CDH3: variants seen among roughly 807,000 people sequenced by gnomAD.
CDH3 encodes the protein cadherin 3.
Under a neutral mutation model 82.0 loss-of-function variants are expected in CDH3, and 54 were observed. The ratio of observed to expected loss-of-function variants is 0.66; its 90% CI spans 0.53 to 0.83. CDH3 has a LOEUF of 0.83. CDH3 is among the 40% of genes least tolerant of loss of function. The pLI is 0.00. For synonymous variants in CDH3, 446 were observed against 437.9 expected, an observed-to-expected ratio of 1.02 and a Z score of -0.23; for missense variants, 1,054 against 1,084.6, an observed-to-expected ratio of 0.97 and a Z score of 0.40.
intron 2 of CDH3, among the ~76,000 whole-genome samples, chr16:68,671,932 TCG>T (rs1960893260): frequency 6.6e-6 from 1 of 152,166 alleles, no homozygotes; most frequent in African/African-American, 2.4e-5. Context: ...GGGACACAAC[TCG>T]TGTTAAGGGA....
chr16:68,705,675 G>T (rs919639357), intron 1 of CDH3, among the ~76,000 whole-genome samples: 3 of 151,566 alleles, frequency 2.0e-5, no homozygotes, highest in Non-Finnish European at 4.4e-5. Context: ...ACCTGCCTCG[G>T]CCTCCCAAAC....
intron 5 of CDH3, 23 bp downstream of exon 5, chr16:68,678,679 T>C (rs1211473070): frequency 1.9e-6 from 3 of 1,614,200 alleles, no homozygotes; most frequent in Admixed American, 3.3e-5. Context: ...TAGTGTCTAC[T>C]GTAAATGTCC....
intron 2 of CDH3, among the ~76,000 whole-genome samples, chr16:68,653,388 C>T (rs1431734046): frequency 2.6e-5 from 4 of 151,988 alleles, no homozygotes; most frequent in African/African-American, 9.7e-5. Context: ...CAGGCATGCG[C>T]CACCAAGTCC....
At position 68,663,568 on chromosome 16, in the gene CDH3, T is replaced by G. The variant is rs139223673; in HGVS notation, c.161-12817T>G. On this transcript the variant is annotated intron_variant, in intron 2 of 15. Transcript: ENST00000264012. ...CTTATTTCATTTTTTTCAAATGTAC[T>G]ATGCTGTTGCATTTTTAAGAGATTC... is the stretch of plus-strand genomic sequence containing the variant. Among the ~76,000 whole-genome samples the G allele has an allele frequency of 5.3e-5, 8 of 152,244 alleles. No individual in the cohort carries two copies. In the East Asian group the frequency reaches 1.5e-3, roughly 29 times the overall value.
At chr16:68,702,399 G>A (rs971347385), downstream of CDH3, among the ~76,000 whole-genome samples, 4 of 152,064 alleles carry the variant, frequency 2.6e-5, no homozygotes, top group Admixed American at 2.0e-4. Context: ...CGGTGGGGTC[G>A]GGGGCAGGAG....
chr16:68,687,435 G>C (rs998688185), intron 11 of CDH3, 77 bp from the exon 12 acceptor site: 3 of 1,093,724 alleles, frequency 2.7e-6, no homozygotes, highest in Non-Finnish European at 4.2e-6. Context: ...TGAGAGCTGG[G>C]CGGTAAACAG....
chr16:68,683,651 CAA>C (rs1199101103), intron 9 of CDH3, among the ~76,000 whole-genome samples: 3 of 69,860 alleles, frequency 4.3e-5, no homozygotes, highest in East Asian at 5.0e-4. Flanking sequence ...GACTCTGTCT[CAA>C]AAAAAAAAAA....
chr16:68,716,278 C>T (rs1962094047), intron 1 of CDH3, among the ~76,000 whole-genome samples: 1 of 150,746 alleles, frequency 6.6e-6, no homozygotes, highest in Non-Finnish European at 1.5e-5. Flanking sequence ...GGAATTGATT[C>T]AATAAATTGT....
Position 68,710,565 on chromosome 16 carries a change from T to C in CDH3, c.100-11860T>C, listed in dbSNP as rs147747016. Among the ~76,000 whole-genome samples the C allele has an allele frequency of 7.4e-4, 113 of 151,952 alleles. 1 individual carries two copies. The East Asian group carries it at 0.021, about 28-fold the overall frequency. On this transcript the variant is annotated intron_variant, in intron 1 of 2. Transcript: ENST00000569080. ...TCTGAAAAGTCAATAGAGCTTAGAT[T>C]GAAAAACTATGGCTGGGCGCGGTGG... is the stretch of plus-strand genomic sequence containing the variant.
intron 1 of CDH3, among the ~76,000 whole-genome samples, chr16:68,715,694 C>T (rs1291917532): frequency 2.0e-5 from 3 of 152,178 alleles, no homozygotes; most frequent in Non-Finnish European, 4.4e-5. Context: ...CCACTTCCTG[C>T]CACCCCACAG....
chr16:68,724,897 T>C (rs1168963495), intron 2 of CDH3, among the ~76,000 whole-genome samples: 5 of 151,548 alleles, frequency 3.3e-5, no homozygotes, highest in African/African-American at 1.2e-4. Flanking sequence ...TGGCAGGGAG[T>C]GGTTTCATTG....
Position 68,707,024 on chromosome 16 carries a change from G to A in CDH3, c.99+11101G>A, listed in dbSNP as rs971593573. Among the ~76,000 whole-genome samples the A allele has an allele frequency of 2.0e-5, 3 of 152,184 alleles. No homozygotes were observed. The highest frequency in any genetic ancestry group is 2.4e-5 in the African/African-American group (1 of 41,448). On this transcript the variant is annotated intron_variant, in intron 1 of 2. Coordinates refer to the CDH3 transcript ENST00000569080. The surrounding 1 kb of genome is among the most constrained non-coding windows in gnomAD (Gnocchi z 4.5). ...TGGAGGAAAATGGAGCTGGGATGGG[G>A]CCTAGGGAGGAAGGGCCTGGGGGTA...
At chr16:68,657,146 C>T (rs1200725285) in intron 2 of CDH3, among the ~76,000 whole-genome samples, 1 of 152,186 alleles carries the variant, frequency 6.6e-6, no homozygotes, top group Non-Finnish European at 1.5e-5. Context: ...CTGCAGCTGC[C>T]TCTGTCTGCT....
Position 68,698,347 on chromosome 16 carries a change from G to A in CDH3, c.2437G>A (p.Gly813Ser), listed in dbSNP as rs777118179. The change falls in exon 16 of 16, where the codon GGC (glycine) becomes AGC (serine). Residue 813 changes from glycine to serine, a missense_variant. By Grantham distance (56) the Gly-to-Ser change is moderately conservative (BLOSUM62 0). Coordinates refer to ENST00000264012, the MANE Select transcript of CDH3 (RefSeq NM_001793.6). ...DQDYDYLNEW[G>S]SRFKKLADMY... ...AGATTACGATTATCTGAACGAGTGG[G>A]GCAGCCGCTTCAAGAAGCTGGCAGA... 6.2e-7 allele frequency: 1 copy of A among 1,614,206 alleles called. No homozygotes were observed.
At position 68,684,607 on chromosome 16, in the gene CDH3, C is replaced by G. The variant is rs143523495; in HGVS notation, c.1207C>G (p.Gln403Glu). 6.2e-7 allele frequency: 1 copy of G among 1,614,168 alleles called. No homozygotes were observed. Among genetic ancestry groups the G allele is most frequent in the Non-Finnish European group, 8.5e-7 (1 of 1,180,024 alleles). ...RKGLDFEAKN[Q>E]HTLYVEVTNE... ...GGGTTTGGATTTTGAGGCCAAAAAC[C>G]AGCACACCCTGTACGTTGAAGTGAC... The change falls in exon 10 of 16, where the codon CAG becomes GAG. Residue 403 changes from glutamine (Q) to glutamate (E), a missense_variant. Gln to Glu is a conservative substitution (Grantham distance 29). Transcript: ENST00000264012.
intron 2 of CDH3, among the ~76,000 whole-genome samples, chr16:68,661,983 G>A (rs548913421): frequency 3.2e-4 from 49 of 152,322 alleles, no homozygotes; most frequent in Non-Finnish European, 3.5e-4. Flanking sequence ...GAGCCACGGC[G>A]CCCAGCCAAT....
At chr16:68,686,884 C>G (rs763116740) in intron 11 of CDH3, among the ~76,000 whole-genome samples, 1 of 152,152 alleles carries the variant, frequency 6.6e-6, no homozygotes, top group Non-Finnish European at 1.5e-5. Context: ...ACGAGAATCA[C>G]CTTAACCCAG....
At chr16:68,676,822 C>T (rs527904773) in intron 3 of CDH3, among the ~76,000 whole-genome samples, 1 of 152,326 alleles carries the variant, frequency 6.6e-6, no homozygotes, top group South Asian at 2.1e-4. Context: ...AAATGCAGGC[C>T]TGCCAATCCC....
In CDH3 at chr16:68,691,868, T is replaced by G. The variant is rs372986752; in HGVS notation, c.1944T>G (p.Pro648=). Reference sequence around the variant, plus strand: ...GCCATGGCCATGTCGAAACCTGCCCTGGACCCTGGAAGGGAGGTTTCATCC... The same window carrying G: ...GCCATGGCCATGTCGAAACCTGCCCGGGACCCTGGAAGGGAGGTTTCATCC... ...CDCHGHVETC[P]GPWKGGFILP... Residue 648 remains proline, a synonymous_variant, in exon 13 of 16, where the codon CCT becomes CCG. Coordinates refer to ENST00000264012, the MANE Select transcript of CDH3 (RefSeq NM_001793.6). 5 of 1,614,144 alleles carry G rather than the reference T, an allele frequency of 3.1e-6. No homozygotes were observed. The highest frequency in any genetic ancestry group is 1.3e-5 in the African/African-American group (1 of 75,040).
Sources: gnomAD v4.1 joint callset for allele counts (sites outside exome capture counted in the v4.1 genomes callset) on GRCh38, gnomAD v4.1.1 for gene constraint, Gnocchi (gnomAD v3.1) non-coding constraint, MANE v1.5 for transcripts, NCBI Gene and HGNC (gene_info 2026-07-23, HGNC 2026-07-21) for gene names.